Variants in PKD1L1 observed in about 807,000 individuals in gnomAD.
PKD1L1 encodes the protein polycystin 1 like 1, transient receptor potential channel interacting, also known as polycystin-1-like protein 1.
In PKD1L1, 236 loss-of-function variants were observed where a neutral mutation model predicts 323.4. The ratio of observed to expected loss-of-function variants is 0.73; its 90% CI spans 0.66 to 0.81. The LOEUF is 0.81. Among genes scored for constraint, PKD1L1 ranks in the 40% least tolerant of loss-of-function variants. The pLI is 0.00. For synonymous variants in PKD1L1, 1,344 were observed against 1,335.0 expected (o/e 1.01, Z -0.15); for missense variants, 3,320 against 3,508.0 (o/e 0.95, Z 1.35).
chr7:47,808,772 T>TA (rs1395843817), intron 51 of PKD1L1, among the ~76,000 whole-genome samples: 1 of 152,168 alleles, frequency 6.6e-6, no homozygotes, highest in African/African-American at 2.4e-5. Context: ...TATCAGCACT[T>TA]ACGATGAATG....
rs1030801016 is a variant in PKD1L1 at position 47,837,086 on chromosome 7, A to G, written c.5778T>C (p.Tyr1926=). The part of the protein sequence containing the change: ...QGGLGFRKLF[Y]CKFTEYLEDF... ...CCTCCAGGTACTCTGTGAACTTGCA[A>G]TAGAAAAGCTGAAACGGAAAGCAGG... The change falls in exon 37 of 57, where the codon TAT becomes TAC. Residue 1926 remains tyrosine (Y), a synonymous_variant. Coordinates refer to ENST00000289672, the MANE Select transcript of PKD1L1 (RefSeq NM_138295.5). The G allele has an allele frequency of 6.8e-6, 11 of 1,613,912 alleles. No individual in the cohort carries two copies. The African/African-American group carries it at 1.3e-4, about 20-fold the overall frequency.
At chr7:47,923,134 CATACTCGT>C (rs1787587192) in intron 7 of PKD1L1, among the ~76,000 whole-genome samples, 1 of 152,078 alleles carries the variant, frequency 6.6e-6, no homozygotes, top group African/African-American at 2.4e-5. Context: ...TTGAAGGCAG[CATACTCGT>C]TAAGAGTCGT....
chr7:47,830,495 A>C (rs1056010903), intron 42 of PKD1L1, among the ~76,000 whole-genome samples: 1 of 152,208 alleles, frequency 6.6e-6, no homozygotes, highest in Non-Finnish European at 1.5e-5. Flanking sequence ...GGCAGGCATG[A>C]TGCTAACAGG....
chr7:47,840,023 T>C lies in PKD1L1; in HGVS notation c.5553-361A>G, dbSNP rs1785535649. On this transcript the variant is annotated intron_variant, in intron 35 of 56. Coordinates refer to ENST00000289672, the MANE Select transcript of PKD1L1 (RefSeq NM_138295.5). The surrounding 1 kb of genome is among the most constrained non-coding windows in gnomAD (Gnocchi z 4.1). ...ACCTATAAATATCATACATGAAATT[T>C]ACCAGGAGAAAAAATAATTTAGCTC... Among the ~76,000 whole-genome samples, 1 of 152,218 alleles carries C rather than the reference T, an allele frequency of 6.6e-6. No individual in the cohort carries two copies. Among genetic ancestry groups the C allele is most frequent in the South Asian group, 2.1e-4 (1 of 4,832 alleles).
intron 25 of PKD1L1, among the ~76,000 whole-genome samples, chr7:47,865,624 C>T (rs943412291): frequency 7.5e-5 from 7 of 93,598 alleles, no homozygotes; most frequent in African/African-American, 3.2e-4. Flanking sequence ...CTCGCTTTGT[C>T]GCCCAGGCTG....
chr7:47,876,514 CCT>C (rs1786406549), intron 22 of PKD1L1, among the ~76,000 whole-genome samples: 1 of 152,120 alleles, frequency 6.6e-6, no homozygotes, highest in Admixed American at 6.5e-5. Flanking sequence ...GTCACAGCCC[CCT>C]CAGGGTGAAG....
At chr7:47,899,972 G>A (rs555262944) in intron 13 of PKD1L1, among the ~76,000 whole-genome samples, 51 of 106,148 alleles carry the variant, frequency 4.8e-4, no homozygotes, top group Non-Finnish European at 7.2e-4. Flanking sequence ...AAAAAAAATC[G>A]GAAAGGGAAA....
At position 47,813,414 on chromosome 7, in the gene PKD1L1, C is replaced by T. The variant is rs772275588; in HGVS notation, c.7174-121G>A. 14 of 1,052,512 alleles carry T rather than the reference C, an allele frequency of 1.3e-5. No homozygotes were observed. In the South Asian group the frequency reaches 1.5e-4, roughly 11 times the overall value. The allele number at this position is 1,052,512 out of a possible 1,614,324, so 65.2% of individuals were successfully genotyped here. ...CTCTGTCCTGCAACATGGCACCCTT[C>T]TCTCCTCATAGGATCGTTCTGCAGC... On this transcript the variant is annotated intron_variant, in intron 48 of 56. Coordinates refer to ENST00000289672, the MANE Select transcript of PKD1L1 (RefSeq NM_138295.5).
At chr7:47,913,800 T>C (rs1472808577) in intron 8 of PKD1L1, among the ~76,000 whole-genome samples, 1 of 152,108 alleles carries the variant, frequency 6.6e-6, no homozygotes, top group Admixed American at 6.6e-5. Flanking sequence ...TTTATAGCAA[T>C]GCAAGAACAA....
chr7:47,939,468 T>C (rs1787938453), intron 3 of PKD1L1, among the ~76,000 whole-genome samples: 1 of 152,208 alleles, frequency 6.6e-6, no homozygotes, highest in East Asian at 1.9e-4. Context: ...TTATTCTGGG[T>C]GAAAAGCATG....
intron 45 of PKD1L1, 106 bp from the exon 46 acceptor site, chr7:47,821,292 G>C (rs1362611014): frequency 1.6e-6 from 1 of 622,190 alleles, no homozygotes; most frequent in Non-Finnish European, 2.6e-6. Context: ...TTTTTGAGAC[G>C]GAGTCTCACT....
In PKD1L1 at chr7:47,813,145, C is replaced by G; in HGVS notation, c.7322G>C (p.Cys2441Ser). The change falls in exon 49 of 57, where the codon TGT becomes TCT. Residue 2441 changes from cysteine (C) to serine (S), a missense_variant. Physicochemically the swap from Cys to Ser is moderately radical, Grantham distance 112. Coordinates refer to ENST00000289672, the MANE Select transcript of PKD1L1 (RefSeq NM_138295.5). ...GPGGCGTRED[C>S]VLSLGRTRTE... ...CCTTGTTCTGCCCAGGCTGAGCACA[C>G]AGTCCTCCCTTGTCCCACAGCCCCC... 1.2e-6 allele frequency: 2 copies of G among 1,613,732 alleles called. No individual in the cohort carries two copies. Among genetic ancestry groups the G allele is most frequent in the East Asian group, 4.5e-5 (2 of 44,888 alleles).
chr7:47,913,124 A>T (rs986972687), intron 8 of PKD1L1, among the ~76,000 whole-genome samples: 3 of 152,174 alleles, frequency 2.0e-5, no homozygotes, highest in Non-Finnish European at 2.9e-5. Context: ...AGACAACCAG[A>T]TTCCCCAGGA....
chr7:47,776,240 T>G (rs1786565408), intron 56 of PKD1L1, among the ~76,000 whole-genome samples: 1 of 152,144 alleles, frequency 6.6e-6, no homozygotes. Context: ...CTATCAAACA[T>G]TTAAGAAAGA....
intron 40 of PKD1L1, 71 bp from the exon 41 acceptor site, chr7:47,833,323 G>A: frequency 6.6e-7 from 1 of 1,519,954 alleles, no homozygotes; most frequent in South Asian, 1.2e-5. Context: ...CTCAACAGTG[G>A]TGTGGCTTGC....
intron 37 of PKD1L1, 45 bp from the exon 38 acceptor site, chr7:47,835,288 C>T (rs528100576): frequency 3.9e-6 from 5 of 1,292,594 alleles, no homozygotes; most frequent in Middle Eastern, 2.3e-4. Flanking sequence ...CAATATGAGT[C>T]CCGCTTAAAA....
In PKD1L1 at chr7:47,808,240, C is replaced by T. The variant is rs144806104; in HGVS notation, c.7827+7G>A. 2.7e-5 allele frequency: 43 copies of T among 1,613,894 alleles called. No homozygotes were observed. Among genetic ancestry groups the T allele is most frequent in the African/African-American group, 2.5e-4 (19 of 74,904 alleles). On this transcript the variant is annotated splice_region_variant and intron_variant, in intron 52 of 56. Transcript: ENST00000289672. ...TCTATCTGCATGGCCCTGAGCACACCGTGTACCTGATTCCATGATGCCATA... is the reference window on the plus strand; with the variant it reads ...TCTATCTGCATGGCCCTGAGCACACTGTGTACCTGATTCCATGATGCCATA...
At chr7:47,893,775 C>T in intron 15 of PKD1L1, 103 bp downstream of exon 15, 2 of 1,245,800 alleles carry the variant, frequency 1.6e-6, no homozygotes, top group South Asian at 2.9e-5. Context: ...AGTTGATGTG[C>T]TTAAAATTTA....
At chr7:47,902,058 A>AGAAAAG in intron 13 of PKD1L1, among the ~76,000 whole-genome samples, 1 of 122,048 alleles carries the variant, frequency 8.2e-6, no homozygotes, top group African/African-American at 2.8e-5. Flanking sequence ...AGAAAAGAAA[A>AGAAAAG]AAAAGAAAAG....
Sources: gnomAD v4.1 joint callset for allele counts (sites outside exome capture counted in the v4.1 genomes callset) on GRCh38, gnomAD v4.1.1 for gene constraint, Gnocchi (gnomAD v3.1) non-coding constraint, MANE v1.5 for transcripts, NCBI Gene and HGNC (gene_info 2026-07-23, HGNC 2026-07-21) for gene names.